SMARCB1: variants seen among roughly 807,000 people sequenced by gnomAD.
SMARCB1 encodes the protein SWI/SNF-related matrix-associated actin-dependent regulator of chromatin subfamily B member 1.
A neutral mutation model predicts 49.0 loss-of-function variants in SMARCB1; 5 were observed. That is an observed-to-expected ratio of 0.10 (90% confidence interval 0.05 to 0.21). The LOEUF is 0.21. Among genes scored for constraint, SMARCB1 ranks in the 10% least tolerant of loss-of-function variants. The pLI, the probability that SMARCB1 is intolerant of heterozygous loss-of-function variation, is 1.00. For synonymous variants in SMARCB1, 201 were observed against 200.1 expected, an observed-to-expected ratio of 1.00 and a Z score of -0.04; for missense variants, 226 against 509.2, an observed-to-expected ratio of 0.44 and a Z score of 5.35.
At chr22:23,820,993 T>C (rs1008422220) in intron 6 of SMARCB1, among the ~76,000 whole-genome samples, 1 of 152,218 alleles carries the variant, frequency 6.6e-6, no homozygotes, top group Non-Finnish European at 1.5e-5. Context: ...TTAACGTTTT[T>C]CTCAGAATTG....
Position 23,826,803 on chromosome 22 carries a change from C to T in SMARCB1, c.986+1388C>T, listed in dbSNP as rs376795355. ...AGGAAGAAGGAATGAGAGCCACCCA[C>T]GGGGCTCAAGGGCCCGGGCCTGGGA... On this transcript the variant is annotated intron_variant, in intron 7 of 8. Coordinates refer to ENST00000644036, the MANE Select transcript of SMARCB1 (RefSeq NM_003073.5). Among the ~76,000 whole-genome samples the T allele has an allele frequency of 5.9e-5, 9 of 152,340 alleles. No homozygotes were observed. In the South Asian group the frequency reaches 1.7e-3, roughly 28 times the overall value.
At position 23,837,940 on chromosome 22, in the gene SMARCB1, C is replaced by T. The variant is rs1601458673; in HGVS notation, c.*3760C>T. The T allele has an allele frequency of 8.0e-7, 1 of 1,253,412 alleles. No individual in the cohort carries two copies. Among genetic ancestry groups the T allele is most frequent in the South Asian group, 1.4e-5 (1 of 71,052 alleles). 77.6% of individuals were successfully genotyped at this position (1,253,412 alleles called of 1,614,324 possible). ...TTCCCAAGACCCTGGAATTCTTCCC[C>T]TCATCTCCCCTATGTGCTATTCCCT... On this transcript the variant is annotated 3_prime_UTR_variant, in exon 9 of 9. Transcript: ENST00000644036.
At chr22:23,808,053 T>C (rs1929620812) in intron 5 of SMARCB1, among the ~76,000 whole-genome samples, 1 of 151,446 alleles carries the variant, frequency 6.6e-6, no homozygotes. Context: ...CCTCCCGGGT[T>C]CATGCCATTC....
intron 4 of SMARCB1, chr22:23,802,560 T>C (rs1187544512): frequency 1.3e-5 from 2 of 159,380 alleles, no homozygotes; most frequent in Non-Finnish European, 2.8e-5. Flanking sequence ...CCCTGTCTGT[T>C]TCCCAGCGCA....
chr22:23,829,766 C>A (rs971593006), intron 7 of SMARCB1, among the ~76,000 whole-genome samples: 4 of 152,188 alleles, frequency 2.6e-5, no homozygotes, highest in Non-Finnish European at 5.9e-5. Flanking sequence ...GTAACTATCA[C>A]CACTGTCAAT....
chr22:23,799,132 G>T (rs1439224686), intron 3 of SMARCB1, among the ~76,000 whole-genome samples: 1 of 152,028 alleles, frequency 6.6e-6, no homozygotes, highest in Admixed American at 6.6e-5. Flanking sequence ...CAGGTGTTGG[G>T]GTTACACAGG....
rs1273427930 is a variant in SMARCB1, at chr22:23,837,182, C to G, written c.*3002C>G. The G allele has an allele frequency of 1.9e-6, 3 of 1,612,042 alleles. No individual in the cohort carries two copies. The highest frequency in any genetic ancestry group is 1.7e-5 in the Admixed American group (1 of 59,752). On this transcript the variant is annotated 3_prime_UTR_variant, in exon 9 of 9. Transcript: ENST00000644036. ...GTGAGACAGCCACGGACTGTGGGGT[C>G]ACCCTCCACAGCCCAGAGTCCTAGA...
chr22:23,805,229 G>A (rs550944677), intron 5 of SMARCB1, among the ~76,000 whole-genome samples: 3 of 152,264 alleles, frequency 2.0e-5, no homozygotes, highest in South Asian at 4.1e-4. Context: ...GAGGGGGGAC[G>A]CCAGTGGGAG....
intron 1 of SMARCB1, among the ~76,000 whole-genome samples, chr22:23,788,415 C>T (rs565184394): frequency 6.6e-5 from 10 of 152,178 alleles, no homozygotes; most frequent in African/African-American, 2.2e-4. Flanking sequence ...GCATTTTATT[C>T]GTACTTTATT....
intron 7 of SMARCB1, chr22:23,826,223 T>C (rs1175622881): frequency 6.9e-6 from 1 of 144,384 alleles, no homozygotes; most frequent in Non-Finnish European, 1.5e-5. Context: ...AAGACCAGCC[T>C]GGGAAAAACA....
At position 23,834,524 on chromosome 22, in the gene SMARCB1, T is replaced by C. The variant is rs1369685907; in HGVS notation, c.*344T>C. The C allele has an allele frequency of 1.7e-6, 1 of 595,056 alleles. No individual in the cohort carries two copies. The highest frequency in any genetic ancestry group is 2.1e-5 in the African/African-American group (1 of 46,848). 36.9% of individuals were successfully genotyped at this position (595,056 alleles called of 1,614,324 possible). ...CATGTTCAATTTCTTCAACAGGTCA[T>C]GTTCAATTTCTTCAAAGTTTTAACA... On this transcript the variant is annotated 3_prime_UTR_variant, in exon 9 of 9. Coordinates refer to ENST00000644036, the MANE Select transcript of SMARCB1 (RefSeq NM_003073.5).
At position 23,811,508 on chromosome 22, in the gene SMARCB1, A is replaced by G. The variant is rs556209950; in HGVS notation, c.629-5262A>G. ...AATGGATCATAAAACAAGTTTTAAC[A>G]AATTTAAAGAATTGAAACCATACAG... On this transcript the variant is annotated intron_variant, in intron 5 of 8. Coordinates refer to ENST00000644036, the MANE Select transcript of SMARCB1 (RefSeq NM_003073.5). 5.3e-5 allele frequency among the ~76,000 whole-genome samples: 8 copies of G among 152,360 alleles called. 1 individual carries two copies. In the South Asian group the frequency reaches 1.7e-3, roughly 32 times the overall value.
intron 3 of SMARCB1, among the ~76,000 whole-genome samples, chr22:23,796,620 C>G (rs749031826): frequency 1.3e-5 from 2 of 152,200 alleles, no homozygotes; most frequent in African/African-American, 4.8e-5. Flanking sequence ...TCTTTTTCCC[C>G]CAAGGGATGT....
chr22:23,821,716 T>A (rs1257990085), intron 6 of SMARCB1, among the ~76,000 whole-genome samples: 6 of 151,822 alleles, frequency 4.0e-5, no homozygotes. Flanking sequence ...CTGGGCGTGG[T>A]GGCACGTTCC....
intron 6 of SMARCB1, among the ~76,000 whole-genome samples, chr22:23,819,161 AT>A (rs2029939642): frequency 2.0e-5 from 3 of 152,070 alleles, no homozygotes; most frequent in Admixed American, 1.3e-4. Flanking sequence ...CTCCTTTCTT[AT>A]TAAGGCTAAA....
Position 23,835,360 on chromosome 22 carries a change from CA to C in SMARCB1, c.*1181del. On this transcript the variant is annotated 3_prime_UTR_variant, in exon 9 of 9. Transcript: ENST00000644036. Reference sequence around the variant, plus strand: ...CACAGATCCCAGCACAGACTGCTGCCACCCTCAGCTGTTGGCAGGTCCCATG... The same window carrying C: ...CACAGATCCCAGCACAGACTGCTGCCCCCTCAGCTGTTGGCAGGTCCCATG... The C allele has an allele frequency of 2.0e-6, 2 of 992,778 alleles. No homozygotes were observed. The highest frequency in any genetic ancestry group is 3.5e-5 in the African/African-American group (2 of 57,718). The allele number at this position is 992,778 out of a possible 1,614,324, so 61.5% of individuals were successfully genotyped here. A position where few individuals can be genotyped will look rare whatever the true frequency, so the allele number is the denominator to read the frequency against.
chr22:23,827,042 C>T (rs1488854127), intron 7 of SMARCB1, among the ~76,000 whole-genome samples: 2 of 152,190 alleles, frequency 1.3e-5, no homozygotes, highest in Non-Finnish European at 2.9e-5. Context: ...GCCCTATGGC[C>T]GGAGAGCCAG....
chr22:23,804,214 T>G (rs1208227853), intron 5 of SMARCB1: 1 of 152,184 alleles, frequency 6.6e-6, no homozygotes, highest in East Asian at 1.9e-4. Context: ...ACTTATTTTT[T>G]TTTTTAAGAG....
intron 2 of SMARCB1, chr22:23,793,337 C>T: frequency 1.6e-6 from 1 of 636,106 alleles, no homozygotes; most frequent in Non-Finnish European, 2.9e-6. Context: ...GCAGATTAGT[C>T]CAAATCAGTC....
Sources: gnomAD v4.1 joint callset for allele counts (sites outside exome capture counted in the v4.1 genomes callset) on GRCh38, gnomAD v4.1.1 for gene constraint, MANE v1.5 for transcripts, NCBI Gene and HGNC (gene_info 2026-07-23, HGNC 2026-07-21) for gene names.